The following PKNOX2 variants were observed in gnomAD, a reference collection of about 807,000 sequenced individuals.
PKNOX2 encodes the protein homeobox protein PKNOX2.
Under a neutral mutation model 53.1 loss-of-function variants are expected in PKNOX2, and 14 were observed. That is an observed-to-expected ratio of 0.26 (90% CI 0.17 to 0.41). The LOEUF (loss-of-function observed/expected upper bound fraction) is 0.41. Ranked by LOEUF, PKNOX2 falls within the 10% of genes least tolerant of loss-of-function variation. The probability of loss-of-function intolerance (pLI) is 1.00; values close to 1 mark genes in which losing one functional copy is unlikely to be tolerated. For synonymous variants in PKNOX2, 257 were observed against 242.8 expected (o/e 1.06, Z -0.54); for missense variants, 496 against 602.8 (o/e 0.82, Z 1.85).
At chr11:125,198,960 C>T (rs1298096085) in intron 1 of PKNOX2, among the ~76,000 whole-genome samples, 1 of 151,932 alleles carries the variant, frequency 6.6e-6, no homozygotes, top group Admixed American at 6.6e-5. Flanking sequence ...CCTGTCTCAG[C>T]CTCCTGTGTA....
intron 2 of PKNOX2, among the ~76,000 whole-genome samples, chr11:125,247,214 G>C (rs1364085997): frequency 1.3e-5 from 2 of 152,128 alleles, no homozygotes; most frequent in African/African-American, 2.4e-5. Flanking sequence ...GTTCCTCTGT[G>C]CTTATCCACA....
intron 4 of PKNOX2, 37 bp downstream of exon 4, chr11:125,351,429 G>C (rs1349174013): frequency 7.4e-7 from 1 of 1,358,320 alleles, no homozygotes; most frequent in Non-Finnish European, 1.0e-6. Flanking sequence ...CACCACGGGG[G>C]AGGGAGTGTG....
At chr11:125,356,706 C>T (rs1333257378) in intron 4 of PKNOX2, among the ~76,000 whole-genome samples, 1 of 152,242 alleles carries the variant, frequency 6.6e-6, no homozygotes, top group African/African-American at 2.4e-5. Flanking sequence ...TTCTTTCCCT[C>T]CCTGTCCTAG....
intron 2 of PKNOX2, among the ~76,000 whole-genome samples, chr11:125,307,985 C>T (rs1306444382): frequency 6.6e-6 from 1 of 152,148 alleles, no homozygotes; most frequent in Non-Finnish European, 1.5e-5. Context: ...GAGCAAGACC[C>T]AAAAAGGCAA....
At chr11:125,384,634 G>A (rs1226927036) in intron 5 of PKNOX2, among the ~76,000 whole-genome samples, 3 of 152,074 alleles carry the variant, frequency 2.0e-5, no homozygotes, top group Non-Finnish European at 4.4e-5. Context: ...GCAGTGAGCC[G>A]AGTTCAAGCC....
chr11:125,260,283 C>T (rs1944742654), intron 2 of PKNOX2, among the ~76,000 whole-genome samples: 1 of 152,160 alleles, frequency 6.6e-6, no homozygotes, highest in Non-Finnish European at 1.5e-5. Flanking sequence ...ACTGCAATCT[C>T]CACCTCCCAG....
At chr11:125,417,394 C>T (rs978818836) in intron 10 of PKNOX2, among the ~76,000 whole-genome samples, 1 of 152,046 alleles carries the variant, frequency 6.6e-6, no homozygotes, top group Non-Finnish European at 1.5e-5. Flanking sequence ...CCAGAGGAGC[C>T]GCTTCTGCAT....
chr11:125,368,567 T>C (rs1952321136), intron 5 of PKNOX2, among the ~76,000 whole-genome samples: 1 of 152,248 alleles, frequency 6.6e-6, no homozygotes, highest in Non-Finnish European at 1.5e-5. Flanking sequence ...GGATTCATGG[T>C]AGTCTCTGTT....
At position 125,367,973 on chromosome 11, in the gene PKNOX2, G is replaced by A. The variant is rs369949499; in HGVS notation, c.215G>A (p.Arg72Gln). Residue 72 changes from arginine (R) to glutamine (Q), a missense_variant, in exon 5 of 13, where the codon CGA (arginine) becomes CAA (glutamine). This residue lies in a region of PKNOX2 where 168 missense variants were observed against 178.4 expected (regional missense o/e 0.94). Transcript: ENST00000298282. ...DPQAQLEADK[R>Q]AVYRHPLFPL... Reference sequence around the variant, plus strand: ...CAGGCCCAGCTGGAGGCTGACAAGCGAGCTGTATACAGGTAGGAGACACTT... The same window carrying A: ...CAGGCCCAGCTGGAGGCTGACAAGCAAGCTGTATACAGGTAGGAGACACTT... 74 of 1,613,182 alleles carry A rather than the reference G, an allele frequency of 4.6e-5. No individual in the cohort carries two copies. The highest frequency in any genetic ancestry group is 5.7e-5 in the Non-Finnish European group (67 of 1,179,584).
intron 9 of PKNOX2, 141 bp downstream of exon 9, chr11:125,411,017 A>G: frequency 1.4e-6 from 1 of 698,064 alleles, no homozygotes; most frequent in Non-Finnish European, 2.4e-6. Flanking sequence ...CCTACTTTAC[A>G]GATAAGAAGC....
intron 2 of PKNOX2, among the ~76,000 whole-genome samples, chr11:125,305,188 G>A (rs1021392143): frequency 1.6e-4 from 25 of 152,174 alleles, no homozygotes; most frequent in African/African-American, 6.0e-4. Context: ...CTCCAGAGCA[G>A]AAAGAGCTCT....
Position 125,412,526 on chromosome 11 carries a change from C to T in PKNOX2, c.936+661C>T, listed in dbSNP as rs139509901. 8.5e-4 allele frequency among the ~76,000 whole-genome samples: 129 copies of T among 152,316 alleles called. 1 individual carries two copies. The highest frequency in any genetic ancestry group is 2.9e-3 in the African/African-American group (122 of 41,562). On this transcript the variant is annotated intron_variant, in intron 10 of 12. Transcript: ENST00000298282. ...TGTGTGCAGCATTAGTTGCAAAAGACGAGCCTTTGGTGGAATGTCAGGAAA... is the reference window on the plus strand; with the variant it reads ...TGTGTGCAGCATTAGTTGCAAAAGATGAGCCTTTGGTGGAATGTCAGGAAA...
chr11:125,366,865 T>G (rs1392276228), intron 4 of PKNOX2, among the ~76,000 whole-genome samples: 1 of 152,252 alleles, frequency 6.6e-6, no homozygotes, highest in Non-Finnish European at 1.5e-5. Flanking sequence ...AGTATTTTTA[T>G]TAAGCATCAA....
chr11:125,186,305 G>C (rs909035324), intron 1 of PKNOX2, among the ~76,000 whole-genome samples: 2 of 152,128 alleles, frequency 1.3e-5, no homozygotes, highest in Non-Finnish European at 2.9e-5. Flanking sequence ...CCTTATCAGG[G>C]AAAATATGCA....
At chr11:125,315,486 C>G (rs1463430400) in intron 2 of PKNOX2, among the ~76,000 whole-genome samples, 1 of 152,268 alleles carries the variant, frequency 6.6e-6, no homozygotes, top group East Asian at 1.9e-4. Context: ...GAGGCCTTCT[C>G]ACAGGGAGTG....
In PKNOX2 at chr11:125,376,304, G is replaced by A. The variant is rs374659473; in HGVS notation, c.227+8319G>A. On this transcript the variant is annotated intron_variant, in intron 5 of 12. Coordinates refer to ENST00000298282, the MANE Select transcript of PKNOX2 (RefSeq NM_001382323.2). ...GGCGAACACACCGCCCACTGGGCAGGACTAAAAATACACCCGCATGGTTTC... is the reference window on the plus strand; with the variant it reads ...GGCGAACACACCGCCCACTGGGCAGAACTAAAAATACACCCGCATGGTTTC... Among the ~76,000 whole-genome samples, 48 of 152,312 alleles carry A rather than the reference G, an allele frequency of 3.2e-4. No individual in the cohort carries two copies. In the East Asian group the frequency reaches 8.3e-3, roughly 26 times the overall value.
intron 9 of PKNOX2, 175 bp downstream of exon 9, chr11:125,411,051 A>C (rs570367266): frequency 3.4e-6 from 2 of 586,174 alleles, no homozygotes; most frequent in Admixed American, 6.0e-5. Flanking sequence ...GGTTTTATCA[A>C]CTCCTGGGAT....
intron 4 of PKNOX2, among the ~76,000 whole-genome samples, chr11:125,360,202 G>T (rs1269860990): frequency 6.6e-6 from 1 of 152,066 alleles, no homozygotes; most frequent in African/African-American, 2.4e-5. Context: ...GAAGGTGAAG[G>T]CTTGGGTGTT....
rs988202986 is a variant in PKNOX2, at chr11:125,278,999, G to T, written c.-130+43884G>T. ...CTGGCTGAGCCGGGAGACCACTATG[G>T]TCTGGCTGTACCTATTCTCTCCTCG... On this transcript the variant is annotated intron_variant, in intron 2 of 12. Transcript: ENST00000298282. Among the ~76,000 whole-genome samples the T allele has an allele frequency of 5.9e-5, 9 of 152,222 alleles. No individual in the cohort carries two copies. The South Asian group carries it at 1.2e-3, about 21-fold the overall frequency.
Sources: gnomAD v4.1 joint callset for allele counts (sites outside exome capture counted in the v4.1 genomes callset) on GRCh38, gnomAD v4.1.1 for gene constraint, gnomAD v4.1.1 regional missense constraint, MANE v1.5 for transcripts, NCBI Gene and HGNC (gene_info 2026-07-23, HGNC 2026-07-21) for gene names.